Variants in CACHD1 observed in about 807,000 individuals in gnomAD.
CACHD1 encodes VWFA and cache domain-containing protein 1.
In CACHD1, 71 loss-of-function variants were observed where a neutral mutation model predicts 138.7. That is an observed-to-expected ratio of 0.51 (90% CI 0.42 to 0.62). The LOEUF is 0.62. Among genes scored for constraint, CACHD1 ranks in the 20% least tolerant of loss-of-function variants. The pLI is 0.00. For synonymous variants in CACHD1, 578 were observed against 591.5 expected (o/e 0.98, Z 0.33); for missense variants, 1,389 against 1,625.3 (o/e 0.85, Z 2.50).
chr1:64,546,610 C>T (rs1273272632), intron 1 of CACHD1, among the ~76,000 whole-genome samples: 2 of 152,132 alleles, frequency 1.3e-5, no homozygotes, highest in African/African-American at 2.4e-5. Context: ...TCTGGGATTA[C>T]AGCATGAGCC....
intron 3 of CACHD1, among the ~76,000 whole-genome samples, chr1:64,599,145 C>A (rs1034032749): frequency 2.6e-5 from 4 of 152,112 alleles, no homozygotes; most frequent in African/African-American, 9.6e-5. Context: ...TAATCATGGA[C>A]TTCCCAGCCT....
intron 3 of CACHD1, among the ~76,000 whole-genome samples, chr1:64,595,767 CA>C (rs1292875259): frequency 6.6e-6 from 1 of 152,178 alleles, no homozygotes; most frequent in East Asian, 1.9e-4. Context: ...AAGGTCACAG[CA>C]GGGCCTTCTC....
intron 1 of CACHD1, among the ~76,000 whole-genome samples, chr1:64,500,624 G>C (rs151003990): frequency 6.6e-6 from 1 of 151,554 alleles, no homozygotes; most frequent in African/African-American, 2.4e-5. Flanking sequence ...AAGTCGAGGC[G>C]GGAGGATCCC....
chr1:64,480,781 C>G (rs1646205768), intron 1 of CACHD1, among the ~76,000 whole-genome samples: 1 of 151,244 alleles, frequency 6.6e-6, no homozygotes, highest in African/African-American at 2.4e-5. Context: ...AAAATTCCAC[C>G]TGTAATTTTC....
chr1:64,501,133 T>G (rs1413717161), intron 1 of CACHD1, among the ~76,000 whole-genome samples: 7 of 152,114 alleles, frequency 4.6e-5, no homozygotes, highest in Admixed American at 4.6e-4. Context: ...TTATAATTAT[T>G]ATATAATTAA....
intron 3 of CACHD1, among the ~76,000 whole-genome samples, chr1:64,586,547 A>G (rs1314783122): frequency 6.6e-6 from 1 of 152,022 alleles, no homozygotes; most frequent in Non-Finnish European, 1.5e-5. Context: ...AATCTCATGA[A>G]CTCATATGTG....
chr1:64,502,060 T>C (rs567711537), intron 1 of CACHD1, among the ~76,000 whole-genome samples: 2 of 152,366 alleles, frequency 1.3e-5, no homozygotes, highest in South Asian at 2.1e-4. Flanking sequence ...TTAAGGTTAA[T>C]TGTTTTTGGA....
chr1:64,568,285 C>T (rs1646898869), intron 2 of CACHD1, among the ~76,000 whole-genome samples: 1 of 152,126 alleles, frequency 6.6e-6, no homozygotes, highest in Non-Finnish European at 1.5e-5. Context: ...CATTGTTACG[C>T]TTTCTCCCTT....
At chr1:64,486,731 T>G (rs1179987466) in intron 1 of CACHD1, among the ~76,000 whole-genome samples, 1 of 152,232 alleles carries the variant, frequency 6.6e-6, no homozygotes, top group Non-Finnish European at 1.5e-5. Context: ...ATTGAACTTC[T>G]GTTATGCACA....
rs1647222519 is a variant in CACHD1, at chr1:64,602,190, C to T, written c.411-616C>T. On this transcript the variant is annotated intron_variant, in intron 3 of 26. Transcript: ENST00000651257. ...TGCATGACAGCCTAGCAGGTACAAG[C>T]TGTGTCATGTACTATAAGAGGAACT... 1.3e-5 allele frequency among the ~76,000 whole-genome samples: 2 copies of T among 152,166 alleles called. 1 individual carries two copies. The highest frequency in any genetic ancestry group is 2.9e-5 in the Non-Finnish European group (2 of 68,016).
chr1:64,668,573 TG>T (rs1649716319), intron 16 of CACHD1, among the ~76,000 whole-genome samples: 1 of 152,146 alleles, frequency 6.6e-6, no homozygotes, highest in African/African-American at 2.4e-5. Context: ...TTTTACATCA[TG>T]GGTTGAACCT....
rs978690475 is a variant in CACHD1, at chr1:64,620,894, G to A, written c.518-8461G>A. Among the ~76,000 whole-genome samples, 7 of 152,238 alleles carry A rather than the reference G, an allele frequency of 4.6e-5. No homozygotes were observed. The South Asian group carries it at 1.5e-3, about 32-fold the overall frequency. ...ATGGAACAGAAACTATTAAGATCTT[G>A]TGCCTTAGAGTTGGTTGGAGGAGGA... On this transcript the variant is annotated intron_variant, in intron 4 of 26. Coordinates refer to ENST00000651257, the MANE Select transcript of CACHD1 (RefSeq NM_020925.4).
chr1:64,550,460 T>C (rs1646750198), intron 1 of CACHD1, 134 bp from the exon 2 acceptor site: 1 of 623,766 alleles, frequency 1.6e-6, no homozygotes, highest in Admixed American at 2.9e-5. Context: ...GGTTTCTCTC[T>C]GTAAAATTAC....
At chr1:64,659,120 T>A (rs1378856432) in intron 13 of CACHD1, among the ~76,000 whole-genome samples, 3 of 151,960 alleles carry the variant, frequency 2.0e-5, no homozygotes, top group Non-Finnish European at 1.5e-5. Context: ...AGTGAAGAAG[T>A]GAGAAAAACA....
Position 64,634,157 on chromosome 1 carries a change from T to C in CACHD1, c.903T>C (p.Val301=), listed in dbSNP as rs999303032. Residue 301 remains valine (V), a synonymous_variant, in exon 7 of 27, where the codon GTT becomes GTC. Coordinates refer to ENST00000651257, the MANE Select transcript of CACHD1 (RefSeq NM_020925.4). The part of the protein sequence containing the change: ...SETKRKMSTF[V]SSVKSSDSPT... Reference sequence around the variant, plus strand: ...CAAAAAGGAAAATGTCCACCTTTGTTAGCAGCGTGAAGTCTTCAGACAGTC... The same window carrying C: ...CAAAAAGGAAAATGTCCACCTTTGTCAGCAGCGTGAAGTCTTCAGACAGTC... 20 of 1,613,872 alleles carry C rather than the reference T, an allele frequency of 1.2e-5. No homozygotes were observed. The highest frequency in any genetic ancestry group is 1.7e-5 in the Admixed American group (1 of 59,986).
chr1:64,668,652 A>G (rs1649718743), intron 16 of CACHD1, among the ~76,000 whole-genome samples: 1 of 152,248 alleles, frequency 6.6e-6, no homozygotes, highest in Non-Finnish European at 1.5e-5. Context: ...CTGCCTCCTG[A>G]GTCACTCAGT....
At chr1:64,486,287 T>A (rs1215766292) in intron 1 of CACHD1, among the ~76,000 whole-genome samples, 3 of 152,134 alleles carry the variant, frequency 2.0e-5, no homozygotes, top group African/African-American at 7.2e-5. Context: ...TCTGGTTTTA[T>A]AACATTTCCA....
At chr1:64,665,625 C>A (rs773441678) in intron 15 of CACHD1, among the ~76,000 whole-genome samples, 3 of 152,164 alleles carry the variant, frequency 2.0e-5, no homozygotes, top group Non-Finnish European at 4.4e-5. Flanking sequence ...AATCCTTTTG[C>A]ATTTCAGTGT....
At chr1:64,595,299 G>A (rs986857720) in intron 3 of CACHD1, among the ~76,000 whole-genome samples, 1 of 152,164 alleles carries the variant, frequency 6.6e-6, no homozygotes, top group Admixed American at 6.5e-5. Flanking sequence ...GGCTTTCTGT[G>A]TGTATTTATC....
Sources: gnomAD v4.1 joint callset for allele counts (sites outside exome capture counted in the v4.1 genomes callset) on GRCh38, gnomAD v4.1.1 for gene constraint, MANE v1.5 for transcripts, NCBI Gene and HGNC (gene_info 2026-07-23, HGNC 2026-07-21) for gene names.